Variants in FGD1 observed in about 807,000 individuals in gnomAD.
FGD1 encodes FYVE, RhoGEF and PH domain-containing protein 1.
In FGD1, 12 loss-of-function variants were observed where a neutral mutation model predicts 65.0. The ratio of observed to expected loss-of-function variants is 0.18; its 90% confidence interval spans 0.12 to 0.30. The LOEUF (loss-of-function observed/expected upper bound fraction) is 0.30. FGD1 is among the 10% of genes least tolerant of loss of function. FGD1 has a pLI of 1.00. For synonymous variants in FGD1, 333 were observed against 343.9 expected, an observed-to-expected ratio of 0.97 and a Z score of 0.35; for missense variants, 542 against 837.6, an observed-to-expected ratio of 0.65 and a Z score of 4.36.
chrX:54,465,527 G>A lies in FGD1; in HGVS notation c.1560C>T (p.Ile520=). ...QHHMLEPVQR[I]PRYELLLKDY... ...CCTTGAGAAGAAGCTCATAGCGGGGGATGCGCTGCACAGGCTCCAGCATGT... is the reference window on the plus strand; with the variant it reads ...CCTTGAGAAGAAGCTCATAGCGGGGAATGCGCTGCACAGGCTCCAGCATGT... The change falls in exon 8 of 18, where the codon ATC becomes ATT. Residue 520 remains isoleucine (I), a synonymous_variant. Transcript: ENST00000375135. 8.3e-7 allele frequency: 1 copy of A among 1,209,506 alleles called. No individual in the cohort carries two copies. Among genetic ancestry groups the A allele is most frequent in the Non-Finnish European group, 1.1e-6 (1 of 894,351 alleles).
chrX:54,495,419 C>A lies in FGD1; in HGVS notation c.14G>T (p.Arg5Leu), dbSNP rs1387161682. MHGH[R>L]APGGAGPSEP... ...CGAAGGCCCGGCGCCCCCCGGGGCT[C>A]GGTGGCCATGCATGGTCCGGGCCTG... The change falls in exon 1 of 18, where the codon CGA becomes CTA. Residue 5 changes from arginine to leucine, a missense_variant. Around this residue, in one of 6 missense-constraint regions of FGD1, gnomAD observed 297 missense variants for 326.8 expected, o/e 0.91. Transcript: ENST00000375135. The A allele has an allele frequency of 1.0e-5, 11 of 1,089,068 alleles. No individual in the cohort carries two copies. In the South Asian group the frequency reaches 1.2e-4, roughly 11 times the overall value. The allele number at this position is 1,089,068 out of a possible 1,213,427, so 89.8% of individuals were successfully genotyped here.
intron 11 of FGD1, 80 bp downstream of exon 11, chrX:54,455,612 G>A: frequency 9.1e-7 from 1 of 1,095,912 alleles, no homozygotes; most frequent in South Asian, 1.9e-5. Flanking sequence ...CACAGACTCG[G>A]GGTCAAAGCC....
chrX:54,470,332 G>A lies in FGD1; in HGVS notation c.785C>T (p.Ser262Phe). ...PVPQLPEGEA[S>F]RCLFLLAPGP... ...AGGAGCCAGCAGAAACAGGCAGCGG[G>A]AGGCCTCACCCTCGGGGAGCTGGGG... is the stretch of plus-strand genomic sequence containing the variant. The change falls in exon 4 of 18, where the codon TCC becomes TTC. Residue 262 changes from serine (S) to phenylalanine (F), a missense_variant. By Grantham distance (155) the Ser-to-Phe change is radical. Transcript: ENST00000375135. The A allele has an allele frequency of 3.3e-6, 4 of 1,208,800 alleles. No homozygotes were observed. Among genetic ancestry groups the A allele is most frequent in the Non-Finnish European group, 4.5e-6 (4 of 894,039 alleles).
chrX:54,493,641 C>T (rs1923462860), intron 1 of FGD1, among the ~76,000 whole-genome samples: 2 of 111,736 alleles, frequency 1.8e-5, no homozygotes, highest in Admixed American at 1.9e-4. Flanking sequence ...GTGCTTGTGG[C>T]CTGTTTTGGC....
At chrX:54,454,645 T>TA (rs59245505) in intron 12 of FGD1, among the ~76,000 whole-genome samples, 823 of 78,910 alleles carry the variant, frequency 0.01, 8 homozygotes, top group African/African-American at 0.024. Flanking sequence ...GACTCTGTCT[T>TA]AAAAAAAAAA....
intron 8 of FGD1, among the ~76,000 whole-genome samples, chrX:54,462,394 T>C (rs1455096309): frequency 1.0e-5 from 1 of 99,541 alleles, no homozygotes; most frequent in Admixed American, 1.1e-4. Context: ...CCATTCTTTT[T>C]TTTTTTTTTT....
intron 12 of FGD1, among the ~76,000 whole-genome samples, chrX:54,451,284 C>T (rs1297522566): frequency 9.2e-6 from 1 of 108,845 alleles, no homozygotes; most frequent in Non-Finnish European, 1.9e-5. Flanking sequence ...TTTATTCTGA[C>T]TGTATTCTTT....
chrX:54,486,410 A>G, intron 1 of FGD1, among the ~76,000 whole-genome samples: 1 of 110,539 alleles, frequency 9.0e-6, no homozygotes, highest in East Asian at 3.0e-4. Context: ...CACCACGCCC[A>G]GCTAATTTTG....
chrX:54,495,300 G>T lies in FGD1; in HGVS notation c.133C>A (p.Arg45Ser). The T allele has an allele frequency of 8.5e-7, 1 of 1,181,538 alleles. No homozygotes were observed. Among genetic ancestry groups the T allele is most frequent in the Non-Finnish European group, 1.1e-6 (1 of 881,849 alleles). ...CCAAGAGCCGAACCTGAGCCCCTGC[G>T]CGCCAGCAGTCCGGGTTCCGAGGCT... ...PGASEPGLLARRGSGSALGGP... is the reference protein window; with the variant it reads ...PGASEPGLLASRGSGSALGGP... The change falls in exon 1 of 18, where the codon CGC becomes AGC. Residue 45 changes from arginine (R) to serine (S), a missense_variant. Transcript: ENST00000375135.
In FGD1 at chrX:54,468,866, T is replaced by C; in HGVS notation, c.1112A>G (p.Gln371Arg). ...ERQESVELTVQQKVFHIANEL... is the reference protein window; with the variant it reads ...ERQESVELTVRQKVFHIANEL... ...ATTGGCAATGTGAAACACCTTTTGC[T>C]GCACAGTCAACTGGAAAGGAGAAAC... Residue 371 changes from glutamine to arginine, a missense_variant, in exon 5 of 18, where the codon CAG becomes CGG. Coordinates refer to ENST00000375135, the MANE Select transcript of FGD1 (RefSeq NM_004463.3). The C allele has an allele frequency of 8.3e-7, 1 of 1,198,482 alleles. No individual in the cohort carries two copies. Among genetic ancestry groups the C allele is most frequent in the Non-Finnish European group, 1.1e-6 (1 of 884,210 alleles).
At chrX:54,494,531 A>G (rs1474965356) in intron 1 of FGD1, among the ~76,000 whole-genome samples, 3 of 108,571 alleles carry the variant, frequency 2.8e-5, no homozygotes, top group Non-Finnish European at 5.7e-5. Flanking sequence ...GGAAGCAGAA[A>G]GACCACAGAC....
chrX:54,446,112 G>A lies in FGD1; in HGVS notation c.2883C>T (p.Thr961=), dbSNP rs763552361. The A allele has an allele frequency of 7.5e-6, 9 of 1,204,696 alleles. No homozygotes were observed. The African/African-American group carries it at 1.1e-4, about 14-fold the overall frequency. The change falls in exon 18 of 18, where the codon ACC becomes ACT. Residue 961 remains threonine (T), a synonymous_variant. Coordinates refer to ENST00000375135, the MANE Select transcript of FGD1 (RefSeq NM_004463.3). ...CTCCCAGTTTGTCCCAAACCCTCTA[G>A]GTCTTGTCTCGGGTCTGGGGGGATT... ...PPESPQTRDK[T] is the part of the protein sequence containing the mutation.
chrX:54,471,111 A>G (rs1922882639), intron 2 of FGD1, among the ~76,000 whole-genome samples: 1 of 110,368 alleles, frequency 9.1e-6, no homozygotes. Context: ...TGAGGTAGAC[A>G]CAAAGGGGCT....
At chrX:54,491,656 C>T (rs1393432375) in intron 1 of FGD1, among the ~76,000 whole-genome samples, 1 of 112,407 alleles carries the variant, frequency 8.9e-6, no homozygotes, top group Non-Finnish European at 1.9e-5. Context: ...CTAGGCTGTG[C>T]ATCACAATCA....
intron 1 of FGD1, among the ~76,000 whole-genome samples, chrX:54,472,524 C>A (rs1229457750): frequency 1.8e-5 from 2 of 111,094 alleles, no homozygotes; most frequent in Non-Finnish European, 3.8e-5. Flanking sequence ...AAAGCCACCT[C>A]TATCTTTGGC....
At position 54,470,727 on chromosome X, in the gene FGD1, CG is replaced by C; in HGVS notation, c.514del (p.Arg172GlyfsTer43). ...PPKPSYLQMP[R>X]MPPPLEPIPP... ...GATGGGCTCCAGTGGGGGGGGCATCCGGGGCATCTGCAGGTAGCTGGGCTTT... is the reference window on the plus strand; with the variant it reads ...GATGGGCTCCAGTGGGGGGGGCATCCGGGCATCTGCAGGTAGCTGGGCTTT... On this transcript the variant is annotated frameshift_variant, in exon 3 of 18. Transcript: ENST00000375135. LOFTEE classifies it high-confidence loss of function. The C allele has an allele frequency of 2.6e-6, 2 of 764,394 alleles. No homozygotes were observed. The highest frequency in any genetic ancestry group is 3.4e-6 in the Non-Finnish European group (2 of 587,390). The allele number at this position is 764,394 out of a possible 1,213,427, so 63.0% of individuals were successfully genotyped here.
At chrX:54,449,380 G>T in intron 14 of FGD1, 112 bp from the exon 15 acceptor site, 1 of 968,725 alleles carries the variant, frequency 1.0e-6, no homozygotes, top group Non-Finnish European at 1.4e-6. Context: ...ATGGGCTGGG[G>T]GTAGGGGGAG....
intron 1 of FGD1, among the ~76,000 whole-genome samples, chrX:54,484,617 A>C (rs977576300): frequency 9.9e-6 from 1 of 100,595 alleles, no homozygotes; most frequent in African/African-American, 4.3e-5. Flanking sequence ...CCAATAGCAG[A>C]GCTAGGAGTG....
chrX:54,447,723 G>T (rs753966533), intron 16 of FGD1, among the ~76,000 whole-genome samples: 4 of 112,470 alleles, frequency 3.6e-5, no homozygotes, highest in African/African-American at 1.3e-4. Flanking sequence ...TCTTTCTTCA[G>T]TCAGAGCATT....
Sources: gnomAD v4.1 joint callset for allele counts (sites outside exome capture counted in the v4.1 genomes callset) on GRCh38, gnomAD v4.1.1 for gene constraint, gnomAD v4.1.1 regional missense constraint, MANE v1.5 for transcripts, NCBI Gene and HGNC (gene_info 2026-07-23, HGNC 2026-07-21) for gene names.